PRKG1: variants seen among roughly 807,000 people sequenced by gnomAD.
PRKG1 encodes protein kinase cGMP-dependent 1.
In PRKG1, 35 loss-of-function variants were observed where a neutral mutation model predicts 88.1. The ratio of observed to expected loss-of-function variants is 0.40; its 90% CI spans 0.30 to 0.53. PRKG1 has a LOEUF of 0.53. PRKG1 is among the 20% of genes least tolerant of loss of function. PRKG1 has a pLI of 0.59. For synonymous variants in PRKG1, 303 were observed against 292.5 expected (o/e 1.04, Z -0.37); for missense variants, 540 against 839.8 (o/e 0.64, Z 4.41).
chr10:51,957,077 T>C (rs1442464893), intron 5 of PRKG1, among the ~76,000 whole-genome samples: 1 of 149,318 alleles, frequency 6.7e-6, no homozygotes, highest in East Asian at 2.0e-4. Context: ...CCTCTCTCTC[T>C]TTCTCTCCTT....
intron 1 of PRKG1, among the ~76,000 whole-genome samples, chr10:51,089,005 G>C (rs1343580785): frequency 6.6e-6 from 1 of 151,996 alleles, no homozygotes; most frequent in African/African-American, 2.4e-5. Context: ...TGCTCCAAAT[G>C]GTCATGATAA....
At chr10:51,778,431 C>A (rs1838497854) in intron 3 of PRKG1, among the ~76,000 whole-genome samples, 1 of 152,154 alleles carries the variant, frequency 6.6e-6, no homozygotes, top group African/African-American at 2.4e-5. Flanking sequence ...ACTTTGGGTG[C>A]TGCCCTTGGG....
At chr10:51,940,175 T>G (rs1192921875) in intron 5 of PRKG1, among the ~76,000 whole-genome samples, 1 of 151,854 alleles carries the variant, frequency 6.6e-6, no homozygotes, top group Non-Finnish European at 1.5e-5. Flanking sequence ...ATCCCCTGCT[T>G]TTTTTGGTTG....
rs111658470 is a variant in PRKG1 at position 51,772,838 on chromosome 10, G to A, written c.593-31747G>A. On this transcript the variant is annotated intron_variant, in intron 3 of 17. Coordinates refer to ENST00000373980, the MANE Select transcript of PRKG1 (RefSeq NM_006258.4). ...AAATTAAATAGGCAAAATGGAGATT[G>A]ATGGCTAAAACTTCCTTTTCTCAGT... Among the ~76,000 whole-genome samples, 163 of 152,138 alleles carry A rather than the reference G, an allele frequency of 1.1e-3. 5 individuals are homozygous for A. Among genetic ancestry groups the A allele is most frequent in the Middle Eastern group, 6.8e-3 (2 of 294 alleles).
chr10:51,678,617 T>C (rs1410171777), intron 3 of PRKG1, among the ~76,000 whole-genome samples: 1 of 152,192 alleles, frequency 6.6e-6, no homozygotes, highest in Non-Finnish European at 1.5e-5. Flanking sequence ...ATTGCATTGT[T>C]GGATTGTTTA....
At chr10:51,090,139 A>G (rs1267911546) in intron 1 of PRKG1, among the ~76,000 whole-genome samples, 1 of 152,218 alleles carries the variant, frequency 6.6e-6, no homozygotes, top group Non-Finnish European at 1.5e-5. Flanking sequence ...ATTGGAGATA[A>G]TGCTTGAGAA....
At chr10:51,600,989 A>T (rs1838582774) in intron 3 of PRKG1, among the ~76,000 whole-genome samples, 1 of 140,476 alleles carries the variant, frequency 7.1e-6, no homozygotes, top group Admixed American at 7.0e-5. Context: ...GGGAGGAGGA[A>T]GACAGCAGGG....
In PRKG1 at chr10:51,858,297, G is replaced by A. The variant is rs60825536; in HGVS notation, c.699-49210G>A. Among the ~76,000 whole-genome samples the A allele has an allele frequency of 4.5e-3, 29 of 6,498 alleles. 8 individuals carry two copies. The highest frequency in any genetic ancestry group is 0.014 in the African/African-American group (15 of 1,074). The allele number at this position is 6,498 out of a possible 152,430, so 4.3% of individuals were successfully genotyped here. On this transcript the variant is annotated intron_variant, in intron 4 of 17. Transcript: ENST00000373980. The stretch of plus-strand genomic sequence containing the variant: ...TATACATATGTATAATTATACATAT[G>A]TATAATATATATATGTATAATATGT...
At chr10:51,315,624 G>T (rs533609001) in intron 2 of PRKG1, among the ~76,000 whole-genome samples, 2 of 152,268 alleles carry the variant, frequency 1.3e-5, no homozygotes, top group East Asian at 3.9e-4. Context: ...AAAATACAGC[G>T]TGGATTATCT....
chr10:51,296,116 A>G (rs1451156729), intron 2 of PRKG1, among the ~76,000 whole-genome samples: 3 of 152,022 alleles, frequency 2.0e-5, no homozygotes, highest in Admixed American at 6.5e-5. Context: ...ATTTATCAGG[A>G]ATATTTGCTT....
intron 3 of PRKG1, among the ~76,000 whole-genome samples, chr10:51,706,460 TG>T (rs2132424203): frequency 6.6e-6 from 1 of 152,238 alleles, no homozygotes; most frequent in Non-Finnish European, 1.5e-5. Flanking sequence ...TTTCTGGACT[TG>T]AGGTTGAACA....
chr10:51,525,906 A>G (rs1366117930), intron 3 of PRKG1, among the ~76,000 whole-genome samples: 1 of 151,678 alleles, frequency 6.6e-6, no homozygotes, highest in African/African-American at 2.4e-5. Flanking sequence ...GCTCACTGCA[A>G]TCTCCTCCTC....
At chr10:51,078,981 A>G (rs1844039272) in intron 1 of PRKG1, among the ~76,000 whole-genome samples, 1 of 152,198 alleles carries the variant, frequency 6.6e-6, no homozygotes, top group Admixed American at 6.5e-5. Flanking sequence ...TTATACTGAT[A>G]TATCTCAAGA....
intron 5 of PRKG1, among the ~76,000 whole-genome samples, chr10:52,010,591 A>G (rs976193039): frequency 1.3e-5 from 2 of 152,194 alleles, no homozygotes; most frequent in Non-Finnish European, 2.9e-5. Flanking sequence ...AAACCTGCAC[A>G]TGAACACCCT....
chr10:52,167,683 G>A (rs1259479257), intron 9 of PRKG1, among the ~76,000 whole-genome samples: 7 of 150,796 alleles, frequency 4.6e-5, no homozygotes, highest in African/African-American at 1.2e-4. Context: ...TCCATCTAGC[G>A]ATGCTTTTCA....
At chr10:51,291,418 A>G (rs192294272) in intron 2 of PRKG1, among the ~76,000 whole-genome samples, 24 of 151,834 alleles carry the variant, frequency 1.6e-4, no homozygotes, top group Non-Finnish European at 2.7e-4. Flanking sequence ...TTATGGTAAC[A>G]AGATAACGGT....
At chr10:51,102,734 G>A (rs1300312417) in intron 1 of PRKG1, among the ~76,000 whole-genome samples, 6 of 152,168 alleles carry the variant, frequency 3.9e-5, no homozygotes, top group Non-Finnish European at 8.8e-5. Context: ...CCCCATCTAT[G>A]TGAACAGGGC....
intron 3 of PRKG1, among the ~76,000 whole-genome samples, chr10:51,614,313 C>T (rs1159091989): frequency 1.3e-5 from 2 of 151,714 alleles, no homozygotes; most frequent in Non-Finnish European, 2.9e-5. Context: ...GCTACTCCTG[C>T]TAGTTTTTGG....
intron 5 of PRKG1, among the ~76,000 whole-genome samples, chr10:52,037,057 G>C (rs551621400): frequency 3.9e-5 from 6 of 152,406 alleles, no homozygotes; most frequent in African/African-American, 1.4e-4. Context: ...GAAGATCTGG[G>C]AAGGAGTCAG....
Sources: gnomAD v4.1 joint callset for allele counts (sites outside exome capture counted in the v4.1 genomes callset) on GRCh38, gnomAD v4.1.1 for gene constraint, MANE v1.5 for transcripts, NCBI Gene and HGNC (gene_info 2026-07-23, HGNC 2026-07-21) for gene names.